SVEP1: variants seen among roughly 807,000 people sequenced by gnomAD.
SVEP1 encodes the protein sushi, von Willebrand factor type A, EGF and pentraxin domain-containing protein 1.
SVEP1 carries 164 observed loss-of-function variants against 367.3 expected under a neutral mutation model. That is an observed-to-expected ratio of 0.45 (90% CI 0.39 to 0.51). SVEP1 has a LOEUF of 0.51. Ranked by LOEUF, SVEP1 falls within the 20% of genes least tolerant of loss-of-function variation. SVEP1 has a pLI of 0.00. For missense variants in SVEP1, 4,117 were observed against 4,425.3 expected (o/e 0.93, Z 1.98); for synonymous variants, 1,666 against 1,611.6 (o/e 1.03, Z -0.81).
At chr9:110,528,676 T>G (rs1303317956) in intron 3 of SVEP1, among the ~76,000 whole-genome samples, 1 of 152,024 alleles carries the variant, frequency 6.6e-6, no homozygotes, top group African/African-American at 2.4e-5. Flanking sequence ...CCTTGCTGAT[T>G]TGTTTGAGTT....
intron 36 of SVEP1, among the ~76,000 whole-genome samples, chr9:110,423,623 A>C (rs1046942176): frequency 1.3e-5 from 2 of 152,172 alleles, no homozygotes; most frequent in African/African-American, 4.8e-5. Flanking sequence ...TGACAAAAAA[A>C]ATCCCTAAAG....
chr9:110,534,180 C>A (rs1308145297), intron 3 of SVEP1, among the ~76,000 whole-genome samples: 1 of 152,134 alleles, frequency 6.6e-6, no homozygotes, highest in Non-Finnish European at 1.5e-5. Context: ...ATTCCCCATA[C>A]CCTCCACCCT....
intron 7 of SVEP1, among the ~76,000 whole-genome samples, chr9:110,498,237 T>C (rs180934245): frequency 6.6e-5 from 10 of 152,366 alleles, no homozygotes; most frequent in Admixed American, 6.5e-4. Context: ...AGTCAAAGTA[T>C]GCCAACCCAA....
At chr9:110,478,945 A>C (rs1401848034) in intron 13 of SVEP1, among the ~76,000 whole-genome samples, 1 of 149,154 alleles carries the variant, frequency 6.7e-6, no homozygotes, top group East Asian at 2.0e-4. Context: ...TTTTAGACGG[A>C]GTCTTTCTCT....
chr9:110,513,994 G>A lies in SVEP1; in HGVS notation c.1077C>T (p.Asp359=), dbSNP rs147751217. 67 of 1,613,168 alleles carry A rather than the reference G, an allele frequency of 4.2e-5. No homozygotes were observed. Among genetic ancestry groups the A allele is most frequent in the Admixed American group, 6.7e-5 (4 of 59,942 alleles). The change falls in exon 4 of 48, where the codon GAC becomes GAT. Residue 359 remains aspartate (D), a synonymous_variant. Coordinates refer to ENST00000374469, the MANE Select transcript of SVEP1 (RefSeq NM_153366.4). ...TSPPGSTSPE[D]CVCREGYRAS... is the part of the protein sequence containing the mutation. ...CCCTGTATCCCTCTCTGCAGACACA[G>A]TCTTCAGGGGATGTGCTTCCAGGTG...
chr9:110,463,638 G>GGAAGGAAAGAAAGAAAGGAAGAA, intron 18 of SVEP1, among the ~76,000 whole-genome samples: 2 of 113,992 alleles, frequency 1.8e-5, no homozygotes, highest in Non-Finnish European at 4.4e-5. Context: ...GGAAGAAAAA[G>GGAAGGAAAGAAAGAAAGGAAGAA]AAAGAAAGAA....
intron 27 of SVEP1, chr9:110,442,584 C>T (rs2118587519): frequency 6.6e-6 from 1 of 151,954 alleles, no homozygotes; most frequent in African/African-American, 2.4e-5. Context: ...CCTCAGCCTC[C>T]TGAGTAGCTG....
chr9:110,518,198 C>T (rs1480841583), intron 3 of SVEP1, among the ~76,000 whole-genome samples: 2 of 151,822 alleles, frequency 1.3e-5, no homozygotes, highest in Non-Finnish European at 2.9e-5. Flanking sequence ...TAAGGCGGGC[C>T]GATCACCTGA....
chr9:110,408,975 T>G, intron 37 of SVEP1, 24 bp from the exon 38 acceptor site: 1 of 1,534,066 alleles, frequency 6.5e-7, no homozygotes, highest in Non-Finnish European at 8.7e-7. Flanking sequence ...AGAAAGCAAG[T>G]GAGTGCGATT....
At chr9:110,499,353 C>A in intron 6 of SVEP1, 115 bp from the exon 7 acceptor site, 2 of 922,834 alleles carry the variant, frequency 2.2e-6, no homozygotes, top group Non-Finnish European at 3.2e-6. Context: ...ACGTAAATTG[C>A]TAAATGATAA....
At chr9:110,367,833 C>A (rs1465522468) in intron 47 of SVEP1, among the ~76,000 whole-genome samples, 1 of 152,168 alleles carries the variant, frequency 6.6e-6, no homozygotes, top group South Asian at 2.1e-4. Flanking sequence ...GTAATCCCAG[C>A]ATTTTGGGAG....
At chr9:110,529,804 C>T (rs1193436774) in intron 3 of SVEP1, among the ~76,000 whole-genome samples, 2 of 151,994 alleles carry the variant, frequency 1.3e-5, no homozygotes, top group East Asian at 1.9e-4. Context: ...AAAATCATAT[C>T]GTCAGCAGAG....
rs149707585 is a variant in SVEP1 at position 110,501,098 on chromosome 9, TTAATA to T, written c.1484-1865_1484-1861del. On this transcript the variant is annotated intron_variant, in intron 6 of 47. Transcript: ENST00000374469. Reference sequence around the variant, plus strand: ...ATATATGTACTATATATTAATATAATTAATATACATATATAAATTATAAAATAATA... The same window carrying T: ...ATATATGTACTATATATTAATATAATTACATATATAAATTATAAAATAATA... Among the ~76,000 whole-genome samples, 948 of 147,800 alleles carry T rather than the reference TTAATA, an allele frequency of 6.4e-3. 9 individuals are homozygous for T. The highest frequency in any genetic ancestry group is 0.022 in the African/African-American group (907 of 40,840).
intron 3 of SVEP1, among the ~76,000 whole-genome samples, chr9:110,536,153 T>G (rs1830076498): frequency 6.6e-6 from 1 of 152,094 alleles, no homozygotes; most frequent in Non-Finnish European, 1.5e-5. Flanking sequence ...TAAGAGTTTT[T>G]AACATAAAGG....
intron 8 of SVEP1, among the ~76,000 whole-genome samples, chr9:110,496,245 T>C (rs1431746322): frequency 6.6e-6 from 1 of 152,140 alleles, no homozygotes; most frequent in Non-Finnish European, 1.5e-5. Flanking sequence ...CCTGGGTGTG[T>C]CTGTGAGGAT....
intron 42 of SVEP1, 129 bp downstream of exon 42, chr9:110,387,156 G>A (rs1304993508): frequency 1.2e-6 from 1 of 842,228 alleles, no homozygotes; most frequent in African/African-American, 1.7e-5. Context: ...AATTCAGCTT[G>A]GATAGGCATT....
In SVEP1 at chr9:110,407,452, T is replaced by C. The variant is rs1325503476; in HGVS notation, c.8148A>G (p.Glu2716=). 2 of 1,613,998 alleles carry C rather than the reference T, an allele frequency of 1.2e-6. No individual in the cohort carries two copies. The highest frequency in any genetic ancestry group is 1.1e-5 in the South Asian group (1 of 91,072). ...NGSAPSCISI[E]CDLPTAPENG... ...TTTCAGGAGCAGTAGGCAAGTCACATTCAATTGAAATGCAGGATGGTGCAC... is the reference window on the plus strand; with the variant it reads ...TTTCAGGAGCAGTAGGCAAGTCACACTCAATTGAAATGCAGGATGGTGCAC... The change falls in exon 38 of 48, where the codon GAA becomes GAG. Residue 2716 remains glutamate, a synonymous_variant. Coordinates refer to ENST00000374469, the MANE Select transcript of SVEP1 (RefSeq NM_153366.4).
At position 110,408,287 on chromosome 9, in the gene SVEP1, A is replaced by C. The variant is rs772094706; in HGVS notation, c.7313T>G (p.Val2438Gly). Reference protein sequence around the residue: ...WSSPLPECVPVECPQPEEIPN... With the variant: ...WSSPLPECVPGECPQPEEIPN... ...GATTTCCTCAGGTTGGGGACATTCT[A>C]CTGGAACACATTCTGGCAGTGGAGA... The change falls in exon 38 of 48, where the codon GTA becomes GGA. Residue 2438 changes from valine (V) to glycine (G), a missense_variant. Transcript: ENST00000374469. 1.2e-6 allele frequency: 2 copies of C among 1,614,020 alleles called. No homozygotes were observed. The highest frequency in any genetic ancestry group is 1.1e-5 in the South Asian group (1 of 91,072).
chr9:110,403,648 A>T (rs1189387615), intron 39 of SVEP1, among the ~76,000 whole-genome samples: 1 of 152,030 alleles, frequency 6.6e-6, no homozygotes, highest in African/African-American at 2.4e-5. Context: ...GGTAAAAAAA[A>T]TGTGAAAATA....
Sources: gnomAD v4.1 joint callset for allele counts (sites outside exome capture counted in the v4.1 genomes callset) on GRCh38, gnomAD v4.1.1 for gene constraint, MANE v1.5 for transcripts, NCBI Gene and HGNC (gene_info 2026-07-23, HGNC 2026-07-21) for gene names.